Variants in SOX5 observed in about 807,000 individuals in gnomAD.
SOX5 encodes transcription factor SOX-5.
A neutral mutation model predicts 92.0 loss-of-function variants in SOX5; 9 were observed. The ratio of observed to expected loss-of-function variants is 0.10; its 90% CI spans 0.06 to 0.17. The LOEUF (loss-of-function observed/expected upper bound fraction) is 0.17. Ranked by LOEUF, SOX5 falls within the 10% of genes least tolerant of loss-of-function variation. SOX5 has a pLI of 1.00. For missense variants in SOX5, 642 were observed against 944.5 expected (o/e 0.68, Z 4.20); for synonymous variants, 344 against 336.3 (o/e 1.02, Z -0.25).
intron 6 of SOX5, among the ~76,000 whole-genome samples, chr12:23,700,802 C>T (rs12810845): frequency 0.16 from 24,788 of 151,880 alleles, 2,068 homozygotes; most frequent in Middle Eastern, 0.21. Flanking sequence ...CAGAGAACAG[C>T]CCAAATGAGT....
intron 4 of SOX5, among the ~76,000 whole-genome samples, chr12:24,166,414 C>T (rs1465037700): frequency 5.3e-5 from 8 of 152,086 alleles, no homozygotes; most frequent in Admixed American, 2.6e-4. Flanking sequence ...TTAGCATATA[C>T]GTTGATAAAT....
chr12:24,514,130 A>C (rs544363730), intron 1 of SOX5, among the ~76,000 whole-genome samples: 1 of 152,340 alleles, frequency 6.6e-6, no homozygotes, highest in Non-Finnish European at 1.5e-5. Flanking sequence ...ACAATTAGCC[A>C]ATTGCTTCTT....
At chr12:24,161,264 G>A (rs976555157) in intron 4 of SOX5, among the ~76,000 whole-genome samples, 2 of 151,980 alleles carry the variant, frequency 1.3e-5, no homozygotes, top group African/African-American at 2.4e-5. Context: ...TTCAGCTGTC[G>A]TGACAATAAA....
At chr12:24,512,467 A>T (rs1241161676) in intron 1 of SOX5, among the ~76,000 whole-genome samples, 1 of 152,266 alleles carries the variant, frequency 6.6e-6, no homozygotes, top group Non-Finnish European at 1.5e-5. Context: ...ACTGAAAAAT[A>T]CTTAAGACTC....
chr12:23,544,596 G>A (rs960774737), intron 12 of SOX5, among the ~76,000 whole-genome samples: 2 of 152,188 alleles, frequency 1.3e-5, no homozygotes, highest in Middle Eastern at 3.4e-3. Context: ...TAGCATACCT[G>A]TTGGTGAAGT....
At chr12:23,816,887 T>C (rs2096006260) in intron 3 of SOX5, among the ~76,000 whole-genome samples, 1 of 152,194 alleles carries the variant, frequency 6.6e-6, no homozygotes. Context: ...AGGCTCTTTT[T>C]CCATTCTTGA....
intron 2 of SOX5, among the ~76,000 whole-genome samples, chr12:23,892,684 G>T (rs192570407): frequency 2.0e-5 from 3 of 152,290 alleles, no homozygotes; most frequent in Admixed American, 2.0e-4. Context: ...ATATGCAGCA[G>T]AAACAAATTT....
chr12:23,787,970 G>A (rs2095410682), intron 3 of SOX5, among the ~76,000 whole-genome samples: 1 of 151,472 alleles, frequency 6.6e-6, no homozygotes, highest in Non-Finnish European at 1.5e-5. Context: ...CTTATGAAAT[G>A]AAGACAATGA....
chr12:23,852,511 T>A (rs1286018861), intron 2 of SOX5, among the ~76,000 whole-genome samples: 1 of 152,128 alleles, frequency 6.6e-6, no homozygotes, highest in Non-Finnish European at 1.5e-5. Context: ...AAATATAGAC[T>A]CTTTTAAAGA....
intron 6 of SOX5, among the ~76,000 whole-genome samples, chr12:23,727,931 C>T (rs191284589): frequency 3.3e-5 from 5 of 152,074 alleles, no homozygotes; most frequent in Admixed American, 3.3e-4. Context: ...CCTGTCAATC[C>T]GTATGTCTGT....
chr12:24,466,347 G>A (rs1208717353), intron 1 of SOX5, among the ~76,000 whole-genome samples: 1 of 151,998 alleles, frequency 6.6e-6, no homozygotes, highest in Non-Finnish European at 1.5e-5. Context: ...CTGGACTCAA[G>A]TGTTCCTCCC....
intron 9 of SOX5, among the ~76,000 whole-genome samples, chr12:23,593,743 G>C (rs1951913043): frequency 6.6e-6 from 1 of 151,962 alleles, no homozygotes; most frequent in Admixed American, 6.6e-5. Flanking sequence ...AAGTTTTACA[G>C]AAGTTTTTGG....
rs930054517 is a variant in SOX5, at chr12:24,012,388, T to C, written c.-1-116364A>G. 2.0e-5 allele frequency among the ~76,000 whole-genome samples: 3 copies of C among 152,152 alleles called. No homozygotes were observed. In the East Asian group the frequency reaches 5.8e-4, roughly 29 times the overall value. On this transcript the variant is annotated intron_variant, in intron 4 of 4. Transcript: ENST00000446891. ...AAGAGTCCAGAAGACATTCAGGACA[T>C]GGAAATTTCATATGACACGGAAGTC...
chr12:24,417,254 A>G (rs1030440521), intron 1 of SOX5, among the ~76,000 whole-genome samples: 8 of 152,204 alleles, frequency 5.3e-5, no homozygotes, highest in African/African-American at 1.7e-4. Context: ...CAGTGTTACC[A>G]CAAGAGTCCA....
At chr12:23,838,998 C>G (rs1044222927) in intron 3 of SOX5, among the ~76,000 whole-genome samples, 2 of 147,620 alleles carry the variant, frequency 1.4e-5, no homozygotes, top group Admixed American at 7.0e-5. Flanking sequence ...CACCACCACA[C>G]CCAGCTATTT....
At chr12:24,493,687 A>T (rs1597285299) in intron 1 of SOX5, among the ~76,000 whole-genome samples, 1 of 151,964 alleles carries the variant, frequency 6.6e-6, no homozygotes, top group Admixed American at 6.6e-5. Context: ...ACACAGTGAA[A>T]CCCCGTCTCT....
chr12:23,870,305 A>G (rs531042619), intron 2 of SOX5, among the ~76,000 whole-genome samples: 1 of 152,290 alleles, frequency 6.6e-6, no homozygotes, highest in East Asian at 1.9e-4. Context: ...CACAGTATTG[A>G]GAAACCATCT....
chr12:24,228,372 T>C (rs775380128), intron 3 of SOX5, among the ~76,000 whole-genome samples: 10 of 152,246 alleles, frequency 6.6e-5, no homozygotes, highest in Non-Finnish European at 1.3e-4. Context: ...TTCATGTTCA[T>C]GGGGATGATT....
rs183294372 is a variant in SOX5 at position 23,918,990 on chromosome 12, G to A, written c.39-22966C>T. Among the ~76,000 whole-genome samples the A allele has an allele frequency of 2.9e-3, 442 of 150,706 alleles. 1 individual carries two copies. Among genetic ancestry groups the A allele is most frequent in the Middle Eastern group, 7.1e-3 (2 of 282 alleles). ...CATTTTACCCCAAACAGCCAAAATT[G>A]TATTTAAAAAATCACACTAAAAATC... On this transcript the variant is annotated intron_variant, in intron 1 of 14. Coordinates refer to ENST00000451604, the MANE Select transcript of SOX5 (RefSeq NM_006940.6).
Sources: gnomAD v4.1 joint callset for allele counts (sites outside exome capture counted in the v4.1 genomes callset) on GRCh38, gnomAD v4.1.1 for gene constraint, MANE v1.5 for transcripts, NCBI Gene and HGNC (gene_info 2026-07-23, HGNC 2026-07-21) for gene names.